Variants in ANKRD28 observed in about 807,000 individuals in gnomAD.
The protein encoded by ANKRD28 is serine/threonine-protein phosphatase 6 regulatory ankyrin repeat subunit A.
Under a neutral mutation model 126.5 loss-of-function variants are expected in ANKRD28, and 44 were observed. The observed-to-expected ratio is 0.35, with a 90% CI of 0.27 to 0.45. The LOEUF is 0.45. Among genes scored for constraint, ANKRD28 ranks in the 20% least tolerant of loss-of-function variants. The pLI is 1.00. For missense variants in ANKRD28, 1,110 were observed against 1,316.6 expected (o/e 0.84, Z 2.43); for synonymous variants, 442 against 468.5 (o/e 0.94, Z 0.73).
rs1338440978 is a variant in ANKRD28, at chr3:15,796,940, C to A, written c.-419G>T. 1.7e-5 allele frequency: 17 copies of A among 985,418 alleles called. No individual in the cohort carries two copies. The highest frequency in any genetic ancestry group is 1.8e-5 in the Non-Finnish European group (15 of 830,052). The allele number at this position is 985,418 out of a possible 1,614,324, so 61.0% of individuals were successfully genotyped here. On this transcript the variant is annotated 5_prime_UTR_variant, in exon 1 of 28. Transcript: ENST00000683139. ...ACACAATATAGAATGAAATGAGAAACAACTGCTGTGACAGAGATGATCACA... is the reference window on the plus strand; with the variant it reads ...ACACAATATAGAATGAAATGAGAAAAAACTGCTGTGACAGAGATGATCACA...
At position 15,709,110 on chromosome 3, in the gene ANKRD28, C is replaced by T. The variant is rs536268094; in HGVS notation, c.1406+558G>A. On this transcript the variant is annotated intron_variant, in intron 13 of 27. Transcript: ENST00000683139. Reference sequence around the variant, plus strand: ...AACAATGAGGCCTGCTGAATGACTACAAAGACTGTCATTTCACAGCTGCCT... The same window carrying T: ...AACAATGAGGCCTGCTGAATGACTATAAAGACTGTCATTTCACAGCTGCCT... Among the ~76,000 whole-genome samples the T allele has an allele frequency of 7.2e-4, 110 of 152,274 alleles. 2 individuals carry two copies. Among genetic ancestry groups the T allele is most frequent in the South Asian group, 4.8e-3 (23 of 4,826 alleles).
chr3:15,713,674 C>A, intron 9 of ANKRD28, 33 bp from the exon 10 acceptor site: 1 of 1,428,860 alleles, frequency 7.0e-7, no homozygotes, highest in South Asian at 1.3e-5. Flanking sequence ...AGACACTGGA[C>A]CATATAAAGA....
chr3:15,711,853 A>AT (rs1164091794), intron 11 of ANKRD28, among the ~76,000 whole-genome samples: 148 of 127,076 alleles, frequency 1.2e-3, no homozygotes, highest in African/African-American at 3.6e-3. Context: ...CGCCCAGCTA[A>AT]TTTTTTTTTG....
chr3:15,713,374 AC>A (rs1298585579), intron 10 of ANKRD28, among the ~76,000 whole-genome samples, 152 bp downstream of exon 10: 1 of 152,240 alleles, frequency 6.6e-6, no homozygotes, highest in Non-Finnish European at 1.5e-5. Context: ...AAACATTTTA[AC>A]CTACCACTTT....
In ANKRD28 at chr3:15,743,749, G is replaced by A. The variant is rs145499482; in HGVS notation, c.352-6516C>T. On this transcript the variant is annotated intron_variant, in intron 4 of 27. Coordinates refer to ENST00000683139, the MANE Select transcript of ANKRD28 (RefSeq NM_001349278.2). ...ACAGATTGAGATAGCCAGCTAGTAG[G>A]AGGTGGTGTGGAAACTATGTCACTG... Among the ~76,000 whole-genome samples the A allele has an allele frequency of 2.6e-3, 396 of 152,350 alleles. 4 individuals are homozygous for A. The highest frequency in any genetic ancestry group is 8.8e-3 in the African/African-American group (367 of 41,572).
chr3:15,714,915 T>G (rs1419774564), intron 8 of ANKRD28, among the ~76,000 whole-genome samples: 1 of 152,142 alleles, frequency 6.6e-6, no homozygotes, highest in Non-Finnish European at 1.5e-5. Flanking sequence ...AGGATGTGTC[T>G]CCCAAGTTTC....
intron 2 of ANKRD28, among the ~76,000 whole-genome samples, chr3:15,783,004 T>C (rs181728984): frequency 1.3e-5 from 2 of 152,104 alleles, no homozygotes; most frequent in East Asian, 3.9e-4. Flanking sequence ...CTAGAAGATA[T>C]GAGCAAAACA....
chr3:15,702,678 T>C (rs753145737), intron 14 of ANKRD28, among the ~76,000 whole-genome samples: 2 of 152,132 alleles, frequency 1.3e-5, no homozygotes, highest in African/African-American at 2.4e-5. Context: ...TTCAGACTGA[T>C]TCAAATTCAT....
rs759106252 is a variant in ANKRD28, at chr3:15,685,218, T to C, written c.2389+8A>G. On this transcript the variant is annotated splice_region_variant and intron_variant, in intron 21 of 27. Transcript: ENST00000683139. ...ACAATGATATGCATTTGTGTTTGTA[T>C]ACTTAACCATTGTAGCAAGCCCAGT... 4.3e-6 allele frequency: 7 copies of C among 1,612,948 alleles called. No individual in the cohort carries two copies. The highest frequency in any genetic ancestry group is 5.1e-6 in the Non-Finnish European group (6 of 1,178,986).
intron 4 of ANKRD28, among the ~76,000 whole-genome samples, chr3:15,738,314 C>A (rs1340876812): frequency 6.6e-6 from 1 of 152,006 alleles, no homozygotes; most frequent in Non-Finnish European, 1.5e-5. Context: ...GCAAAACCAG[C>A]AAGTTTTTAT....
rs201434644 is a variant in ANKRD28, at chr3:15,670,050, A to G, written c.*220T>C. ...AATTCCACAAAGAATTCTGACATCA[A>G]TGTGTTTTCCTCAGTCAGGTCTATT... On this transcript the variant is annotated 3_prime_UTR_variant, in exon 28 of 28. Coordinates refer to ENST00000683139, the MANE Select transcript of ANKRD28 (RefSeq NM_001349278.2). 9.4e-5 allele frequency: 49 copies of G among 518,824 alleles called. No homozygotes were observed. The East Asian group carries it at 1.5e-3, about 16-fold the overall frequency. The allele number at this position is 518,824 out of a possible 1,614,324, so 32.1% of individuals were successfully genotyped here.
intron 7 of ANKRD28, among the ~76,000 whole-genome samples, chr3:15,722,853 AACTTCCAT>A (rs1179275742): frequency 6.6e-6 from 1 of 152,118 alleles, no homozygotes. Context: ...CTTGATTTAG[AACTTCCAT>A]ACTCTAAAAC....
intron 8 of ANKRD28, among the ~76,000 whole-genome samples, chr3:15,717,238 A>G (rs2073174858): frequency 6.6e-6 from 1 of 152,098 alleles, no homozygotes; most frequent in African/African-American, 2.4e-5. Flanking sequence ...CAGCCTTCCG[A>G]AGGTAGCTGG....
intron 21 of ANKRD28, among the ~76,000 whole-genome samples, chr3:15,681,156 T>C (rs1279241753): frequency 6.6e-6 from 1 of 152,222 alleles, no homozygotes; most frequent in Admixed American, 6.5e-5. Flanking sequence ...GTATAACCTA[T>C]GCACATCTTC....
intron 1 of ANKRD28, among the ~76,000 whole-genome samples, chr3:15,795,514 C>T (rs11720297): frequency 0.025 from 3,752 of 151,982 alleles, 83 homozygotes; most frequent in Non-Finnish European, 0.034. Context: ...AAAATCAATT[C>T]AGTTTGACCC....
intron 1 of ANKRD28, among the ~76,000 whole-genome samples, chr3:15,831,912 T>C (rs894298015): frequency 2.0e-5 from 3 of 152,184 alleles, no homozygotes; most frequent in Admixed American, 1.3e-4. Context: ...AGAGGGAAGA[T>C]AGACTAGTTT....
At chr3:15,796,277 C>T (rs1447649) in intron 1 of ANKRD28, 128 bp downstream of exon 1, 285,771 of 406,200 alleles carry the variant, frequency 0.7, 101,336 homozygotes, top group East Asian at 0.93. Context: ...TGCATCATAT[C>T]TACACACGTA....
chr3:15,831,631 T>C (rs945769876), intron 1 of ANKRD28, among the ~76,000 whole-genome samples: 1 of 152,198 alleles, frequency 6.6e-6, no homozygotes, highest in African/African-American at 2.4e-5. Context: ...ACCTAGGTAG[T>C]CTGACCTTGC....
rs1015868341 is a variant in ANKRD28, at chr3:15,807,796, TAC to T, written c.28-12492_28-12491del. On this transcript the variant is annotated intron_variant, in intron 1 of 27. Coordinates refer to the ANKRD28 transcript ENST00000399451. ...GAAGTACTGTCACTGTGAAGACAAT[TAC>T]ACAGTTTTAGAGATAAGCTAAATCG... 2.2e-4 allele frequency among the ~76,000 whole-genome samples: 34 copies of T among 152,320 alleles called. 5 individuals are homozygous for T. Among genetic ancestry groups the T allele is most frequent in the Admixed American group, 9.8e-4 (15 of 15,308 alleles).
Sources: gnomAD v4.1 joint callset for allele counts (sites outside exome capture counted in the v4.1 genomes callset) on GRCh38, gnomAD v4.1.1 for gene constraint, MANE v1.5 for transcripts, NCBI Gene and HGNC (gene_info 2026-07-23, HGNC 2026-07-21) for gene names.